The following SRPK1 variants were observed in gnomAD, a reference collection of about 807,000 sequenced individuals.
SRPK1 encodes the protein SRSF protein kinase 1, also known as SFRS protein kinase 1.
In SRPK1, 52 loss-of-function variants were observed where a neutral mutation model predicts 89.5. The observed-to-expected ratio is 0.58, with a 90% CI of 0.46 to 0.73. The LOEUF (loss-of-function observed/expected upper bound fraction) is 0.73. Ranked by LOEUF, SRPK1 falls within the 30% of genes least tolerant of loss-of-function variation. The pLI is 0.00. For missense variants in SRPK1, 603 were observed against 780.6 expected (o/e 0.77, Z 2.71); for synonymous variants, 255 against 270.2 (o/e 0.94, Z 0.55).
intron 8 of SRPK1, among the ~76,000 whole-genome samples, chr6:35,872,251 T>C (rs767839314): frequency 3.9e-5 from 6 of 152,220 alleles, no homozygotes; most frequent in Non-Finnish European, 7.3e-5. Flanking sequence ...CTCTACAGAC[T>C]ACCAGTCCTA....
At chr6:35,836,531 T>A (rs1013754371) in intron 15 of SRPK1, among the ~76,000 whole-genome samples, 1 of 152,016 alleles carries the variant, frequency 6.6e-6, no homozygotes, top group Non-Finnish European at 1.5e-5. Context: ...GTCGGGTGGA[T>A]CACTTGAGCT....
chr6:35,837,188 A>G (rs1367685216), intron 15 of SRPK1, among the ~76,000 whole-genome samples: 6 of 152,188 alleles, frequency 3.9e-5, no homozygotes, highest in East Asian at 1.9e-4. Flanking sequence ...GTAATAACAA[A>G]TACATAAAAC....
At chr6:35,864,728 A>T (rs1326784461) in intron 12 of SRPK1, among the ~76,000 whole-genome samples, 1 of 152,208 alleles carries the variant, frequency 6.6e-6, no homozygotes, top group African/African-American at 2.4e-5. Flanking sequence ...TATAAAAAAG[A>T]TGTCTGCACT....
chr6:35,841,241 T>A (rs911253244), intron 14 of SRPK1, among the ~76,000 whole-genome samples: 6 of 152,146 alleles, frequency 3.9e-5, no homozygotes, highest in African/African-American at 1.4e-4. Flanking sequence ...ATGTCCAAAC[T>A]CTACCCACTT....
At chr6:35,838,507 G>T in intron 14 of SRPK1, 78 bp from the exon 15 acceptor site, 1 of 1,351,470 alleles carries the variant, frequency 7.4e-7, no homozygotes, top group South Asian at 1.3e-5. Flanking sequence ...CTAGAAAACA[G>T]CAGAAGGAGC....
intron 14 of SRPK1, among the ~76,000 whole-genome samples, chr6:35,840,021 G>C (rs1182701133): frequency 1.3e-5 from 2 of 151,926 alleles, no homozygotes; most frequent in Non-Finnish European, 2.9e-5. Context: ...TGCCCAGGCT[G>C]GTCTCAAACT....
At chr6:35,880,486 G>C (rs1251615241) in intron 6 of SRPK1, among the ~76,000 whole-genome samples, 1 of 151,826 alleles carries the variant, frequency 6.6e-6, no homozygotes, top group African/African-American at 2.4e-5. Flanking sequence ...ACTTTGGGAG[G>C]CCAAGGCAAG....
chr6:35,916,032 AC>A (rs1771092861), intron 2 of SRPK1, among the ~76,000 whole-genome samples: 2 of 104,652 alleles, frequency 1.9e-5, no homozygotes, highest in African/African-American at 5.9e-5. Context: ...ACACACACAC[AC>A]ACACACACAC....
Position 35,888,127 on chromosome 6 carries a change from A to G in SRPK1, c.303-16T>C, listed in dbSNP as rs754192686. ...TTTCTTCCCCCTAAGAAACAAACAC[A>G]GGCAATTAAGACTACATAGCCTACC... On this transcript the variant is annotated splice_polypyrimidine_tract_variant and intron_variant, in intron 4 of 15. Coordinates refer to ENST00000373825, the MANE Select transcript of SRPK1 (RefSeq NM_003137.5). 1.3e-6 allele frequency: 2 copies of G among 1,581,874 alleles called. No homozygotes were observed. Among genetic ancestry groups the G allele is most frequent in the Admixed American group, 1.8e-5 (1 of 56,566 alleles).
chr6:35,845,279 T>C (rs915839447), intron 13 of SRPK1, among the ~76,000 whole-genome samples: 38 of 71,832 alleles, frequency 5.3e-4, no homozygotes, highest in African/African-American at 1.8e-3. Flanking sequence ...GATGTGCCAA[T>C]GTAGGTTCAT....
At chr6:35,892,942 G>C (rs1264801303) in intron 2 of SRPK1, among the ~76,000 whole-genome samples, 1 of 151,972 alleles carries the variant, frequency 6.6e-6, no homozygotes, top group African/African-American at 2.4e-5. Flanking sequence ...TTAGATTTTT[G>C]GTGGCCATTC....
At chr6:35,898,952 C>T (rs1179322528) in intron 2 of SRPK1, among the ~76,000 whole-genome samples, 1 of 152,024 alleles carries the variant, frequency 6.6e-6, no homozygotes, top group Non-Finnish European at 1.5e-5. Flanking sequence ...CCTGAGGTCA[C>T]GAGTTCAAGA....
chr6:35,844,554 G>A (rs1769387632), intron 13 of SRPK1, among the ~76,000 whole-genome samples: 1 of 152,080 alleles, frequency 6.6e-6, no homozygotes, highest in African/African-American at 2.4e-5. Context: ...CCGTCCAGAG[G>A]GAGACCACAA....
chr6:35,915,587 A>G (rs1297515533), intron 2 of SRPK1, among the ~76,000 whole-genome samples: 3 of 152,144 alleles, frequency 2.0e-5, no homozygotes, highest in Non-Finnish European at 4.4e-5. Flanking sequence ...AAAACTGGAA[A>G]CAGCCCATAG....
At chr6:35,911,604 T>C (rs895743816) in intron 2 of SRPK1, among the ~76,000 whole-genome samples, 10 of 151,860 alleles carry the variant, frequency 6.6e-5, no homozygotes, top group African/African-American at 2.4e-4. Flanking sequence ...TTCTTTCTTT[T>C]TTGTTTTTAA....
intron 7 of SRPK1, among the ~76,000 whole-genome samples, chr6:35,873,026 C>T (rs961762169): frequency 6.6e-6 from 1 of 152,162 alleles, no homozygotes; most frequent in African/African-American, 2.4e-5. Context: ...CACACACACA[C>T]CCTCTAAGTG....
chr6:35,838,868 T>C, intron 14 of SRPK1: 1 of 1,327,014 alleles, frequency 7.5e-7, no homozygotes, highest in Non-Finnish European at 1.0e-6. Flanking sequence ...GAATAGCTTT[T>C]TCAAGGACTA....
chr6:35,862,402 C>T (rs547825076), intron 12 of SRPK1, among the ~76,000 whole-genome samples: 32 of 152,290 alleles, frequency 2.1e-4, no homozygotes, highest in Middle Eastern at 3.4e-3. Flanking sequence ...GCAGATACCC[C>T]TGACCCTGTG....
In SRPK1 at chr6:35,883,737, AT is replaced by A. The variant is rs747075892; in HGVS notation, c.478+2986del. On this transcript the variant is annotated intron_variant, in intron 6 of 15. Transcript: ENST00000373825. ...CACTAGTAATTGAAATCACAAGGTTATTTTTTTTTTTTTTGAGGCGGAGTCT... is the reference window on the plus strand; with the variant it reads ...CACTAGTAATTGAAATCACAAGGTTATTTTTTTTTTTTTGAGGCGGAGTCT... Among the ~76,000 whole-genome samples the A allele has an allele frequency of 3.4e-3, 486 of 143,106 alleles. 2 individuals are homozygous for A. The highest frequency in any genetic ancestry group is 0.011 in the Middle Eastern group (3 of 278). 93.9% of individuals were successfully genotyped at this position (143,106 alleles called of 152,430 possible).
Sources: allele counts gnomAD v4.1 joint callset (sites outside exome capture counted in the v4.1 genomes callset), GRCh38; gene constraint gnomAD v4.1.1; transcripts MANE v1.5; gene names NCBI Gene and HGNC (gene_info 2026-07-23, HGNC 2026-07-21).